NPAS1: variants seen among roughly 807,000 people sequenced by gnomAD.
The protein encoded by NPAS1 is neuronal PAS domain-containing protein 1.
In NPAS1, 29 loss-of-function variants were observed where a neutral mutation model predicts 49.2. The observed-to-expected ratio is 0.59, with a 90% confidence interval of 0.44 to 0.80. The LOEUF (loss-of-function observed/expected upper bound fraction) is 0.80, where lower values mean the gene tolerates loss of function less well. Among genes scored for constraint, NPAS1 ranks in the 30% least tolerant of loss-of-function variants. The pLI, the probability that NPAS1 is intolerant of heterozygous loss-of-function variation, is 0.00. For missense variants in NPAS1, 825 were observed against 835.5 expected (o/e 0.99, Z 0.15); for synonymous variants, 408 against 380.4 (o/e 1.07, Z -0.84).
intron 11 of NPAS1, among the ~76,000 whole-genome samples, 193 bp downstream of exon 11, chr19:47,043,097 G>A (rs1425919082): frequency 6.6e-6 from 1 of 152,014 alleles, no homozygotes; most frequent in African/African-American, 2.4e-5. Context: ...ACGAGGTCAA[G>A]AGATCAAGAC....
In NPAS1 at chr19:47,032,349, C is replaced by G; in HGVS notation, c.430C>G (p.Gln144Glu). ...GCAGCACCTGGGAGGTCACATCTTG[C>G]AGGTGAGTGAGGCCCCTTCCCTGCC... ...FEQHLGGHIL[Q>E]SLDGFVFALN... The change falls in exon 4 of 12, where the codon CAG (glutamine) becomes GAG (glutamate). Residue 144 changes from glutamine to glutamate, a missense_variant and splice_region_variant. By Grantham distance (29) the Gln-to-Glu change is conservative. Coordinates refer to ENST00000602212, the MANE Select transcript of NPAS1 (RefSeq NM_002517.4). 3.7e-6 allele frequency: 6 copies of G among 1,614,024 alleles called. No homozygotes were observed. The highest frequency in any genetic ancestry group is 5.1e-6 in the Non-Finnish European group (6 of 1,179,962).
chr19:47,045,255 G>A lies in NPAS1; in HGVS notation c.1377G>A (p.Gln459=), dbSNP rs1265205935. 2 of 1,613,880 alleles carry A rather than the reference G, an allele frequency of 1.2e-6. No homozygotes were observed. Among genetic ancestry groups the A allele is most frequent in the Non-Finnish European group, 1.7e-6 (2 of 1,180,000 alleles). The change falls in exon 12 of 12, where the codon CAG becomes CAA. Residue 459 remains glutamine (Q), a synonymous_variant. Coordinates refer to ENST00000602212, the MANE Select transcript of NPAS1 (RefSeq NM_002517.4). ...CGGAGAACGAGGCCCCCCAGACCCA[G>A]GGCAAACGCATCAAAGTGGAGCCCG... ...APAENEAPQT[Q]GKRIKVEPGP...
At chr19:47,039,790 G>A (rs2056999433) in intron 8 of NPAS1, among the ~76,000 whole-genome samples, 1 of 152,140 alleles carries the variant, frequency 6.6e-6, no homozygotes, top group African/African-American at 2.4e-5. Context: ...GAGGGGCTGT[G>A]TCTTGGGTCC....
At chr19:47,035,716 C>G (rs1189027213) in intron 5 of NPAS1, 1 of 449,078 alleles carries the variant, frequency 2.2e-6, no homozygotes, top group African/African-American at 2.0e-5. Context: ...CACTCCCACA[C>G]ACAGCCCCTT....
intron 1 of NPAS1, among the ~76,000 whole-genome samples, chr19:47,020,382 C>A (rs968196991): frequency 6.6e-6 from 1 of 151,246 alleles, no homozygotes; most frequent in Non-Finnish European, 1.5e-5. Flanking sequence ...GCGTCCGGGG[C>A]TGGGGCTCGC....
intron 3 of NPAS1, among the ~76,000 whole-genome samples, chr19:47,028,331 G>A (rs1236557598): frequency 1.3e-5 from 2 of 152,080 alleles, no homozygotes; most frequent in Admixed American, 6.5e-5. Context: ...AGCTCCAGGC[G>A]GAGGTGGAGG....
intron 3 of NPAS1, among the ~76,000 whole-genome samples, chr19:47,027,342 C>G (rs1459571587): frequency 6.8e-6 from 1 of 147,228 alleles, no homozygotes; most frequent in Non-Finnish European, 1.5e-5. Context: ...CTCTCTCTGC[C>G]CCAGGTCCCC....
At chr19:47,034,770 A>G (rs11667642) in intron 5 of NPAS1, among the ~76,000 whole-genome samples, 110,004 of 152,020 alleles carry the variant, frequency 0.72, 40,091 homozygotes, top group Non-Finnish European at 0.75. Flanking sequence ...CAGCTACTCC[A>G]GAGGCTGAGG....
In NPAS1 at chr19:47,045,299, G is replaced by A; in HGVS notation, c.1421G>A (p.Gly474Asp). 3 of 1,614,048 alleles carry A rather than the reference G, an allele frequency of 1.9e-6. No homozygotes were observed. Among genetic ancestry groups the A allele is most frequent in the Non-Finnish European group, 2.5e-6 (3 of 1,180,004 alleles). ...KVEPGPRETK[G>D]SEDSGDEDPS... ...GAGCCCGGCCCGAGGGAAACCAAAG[G>A]CTCCGAGGACAGTGGCGACGAGGAT... Residue 474 changes from glycine to aspartate, a missense_variant, in exon 12 of 12, where the codon GGC (glycine) becomes GAC (aspartate). Gly to Asp is a moderately conservative substitution (Grantham distance 94). Coordinates refer to ENST00000602212, the MANE Select transcript of NPAS1 (RefSeq NM_002517.4).
At position 47,045,763 on chromosome 19, in the gene NPAS1, G is replaced by T; in HGVS notation, c.*112G>T. On this transcript the variant is annotated 3_prime_UTR_variant, in exon 12 of 12. Coordinates refer to ENST00000602212, the MANE Select transcript of NPAS1 (RefSeq NM_002517.4). Reference sequence around the variant, plus strand: ...TTAAACGCCGGCTCTCCCTGCAGTGGTTTGGGCTCCGGGCTGTGAGCTCCT... The same window carrying T: ...TTAAACGCCGGCTCTCCCTGCAGTGTTTTGGGCTCCGGGCTGTGAGCTCCT... The T allele has an allele frequency of 9.1e-7, 1 of 1,104,404 alleles. No individual in the cohort carries two copies. Among genetic ancestry groups the T allele is most frequent in the East Asian group, 3.0e-5 (1 of 33,698 alleles). The allele number at this position is 1,104,404 out of a possible 1,614,324, so 68.4% of individuals were successfully genotyped here. A position where few individuals can be genotyped will look rare whatever the true frequency, so the allele number is the denominator to read the frequency against.
Position 47,032,297 on chromosome 19 carries a change from C to T in NPAS1, c.378C>T (p.Pro126=), listed in dbSNP as rs143921498. ...PAGLAPGRRG[P]AALVSEVFEQ... is the part of the protein sequence containing the mutation. ...CCCCAGCCCCAGGCCGCCGCGGCCC[C>T]GCAGCGCTGGTCTCCGAAGTCTTCG... The change falls in exon 4 of 12, where the codon CCC becomes CCT. Residue 126 remains proline, a synonymous_variant. Coordinates refer to ENST00000602212, the MANE Select transcript of NPAS1 (RefSeq NM_002517.4). 3.4e-4 allele frequency: 542 copies of T among 1,613,864 alleles called. 2 individuals are homozygous for T. Among genetic ancestry groups the T allele is most frequent in the Non-Finnish European group, 2.0e-4 (233 of 1,180,010 alleles).
chr19:47,024,211 G>C (rs1459029023), intron 3 of NPAS1, among the ~76,000 whole-genome samples: 1 of 152,050 alleles, frequency 6.6e-6, no homozygotes, highest in Admixed American at 6.6e-5. Context: ...TGCTTGAGCT[G>C]AGGAGGTCGA....
chr19:47,028,759 G>A (rs1255084321), intron 3 of NPAS1, among the ~76,000 whole-genome samples: 1 of 152,060 alleles, frequency 6.6e-6, no homozygotes, highest in Non-Finnish European at 1.5e-5. Flanking sequence ...AGGCACTTGG[G>A]GACCCTCAAG....
intron 10 of NPAS1, 137 bp from the exon 11 acceptor site, chr19:47,042,673 C>G (rs1226887195): frequency 1.6e-6 from 1 of 609,458 alleles, no homozygotes. Context: ...GGTGTTGAGC[C>G]TTGTAAGTGC....
chr19:47,034,212 G>A (rs991227983), intron 5 of NPAS1, among the ~76,000 whole-genome samples: 2 of 151,124 alleles, frequency 1.3e-5, no homozygotes, highest in African/African-American at 4.9e-5. Flanking sequence ...TACTCGGGAG[G>A]CTGAGGCAAG....
At chr19:47,032,111 CACCT>C (rs1280005939) in intron 3 of NPAS1, among the ~76,000 whole-genome samples, 163 bp from the exon 4 acceptor site, 1 of 152,148 alleles carries the variant, frequency 6.6e-6, no homozygotes, top group Non-Finnish European at 1.5e-5. Flanking sequence ...CTGTCCCACC[CACCT>C]GTGTGTCCCA....
At chr19:47,027,769 A>G (rs551306119) in intron 3 of NPAS1, among the ~76,000 whole-genome samples, 6 of 152,144 alleles carry the variant, frequency 3.9e-5, no homozygotes, top group African/African-American at 1.4e-4. Context: ...GCAAGAGATG[A>G]GGACACTGAG....
At chr19:47,032,617 C>A in intron 4 of NPAS1, 26 bp from the exon 5 acceptor site, 1 of 1,603,088 alleles carries the variant, frequency 6.2e-7, no homozygotes, top group Non-Finnish European at 8.5e-7. Flanking sequence ...CCTCTCCTTC[C>A]CCCTCCCTGT....
intron 6 of NPAS1, among the ~76,000 whole-genome samples, chr19:47,038,229 G>A (rs1482706635): frequency 2.6e-5 from 4 of 152,164 alleles, no homozygotes; most frequent in South Asian, 2.1e-4. Flanking sequence ...TTAGAAAGAC[G>A]TAGATGGGGC....
Sources: allele counts gnomAD v4.1 joint callset (sites outside exome capture counted in the v4.1 genomes callset), GRCh38; gene constraint gnomAD v4.1.1; transcripts MANE v1.5; gene names NCBI Gene and HGNC (gene_info 2026-07-23, HGNC 2026-07-21).